The following NRXN3 variants were observed in gnomAD, a reference collection of about 807,000 sequenced individuals.
NRXN3 encodes the protein neurexin 3, also known as neurexin III.
NRXN3 carries 32 observed loss-of-function variants against 137.6 expected under a neutral mutation model. That is an observed-to-expected ratio of 0.23 (90% CI 0.18 to 0.31). The LOEUF (loss-of-function observed/expected upper bound fraction) is 0.31, where lower values mean the gene tolerates loss of function less well. NRXN3 is among the 10% of genes least tolerant of loss of function. NRXN3 has a pLI of 1.00. For missense variants in NRXN3, 1,574 were observed against 2,062.5 expected (o/e 0.76, Z 4.59); for synonymous variants, 798 against 784.5 (o/e 1.02, Z -0.29).
At chr14:79,089,199 T>C (rs552889929) in intron 15 of NRXN3, among the ~76,000 whole-genome samples, 2 of 152,332 alleles carry the variant, frequency 1.3e-5, no homozygotes. Flanking sequence ...TACCCCTTGC[T>C]TCAAAGTCTT....
At chr14:79,040,984 T>G (rs1182223210) in intron 15 of NRXN3, among the ~76,000 whole-genome samples, 1 of 152,136 alleles carries the variant, frequency 6.6e-6, no homozygotes, top group African/African-American at 2.4e-5. Flanking sequence ...TATCTGTGCC[T>G]GCAGGCTGTT....
At chr14:78,863,445 C>A (rs1401861384) in intron 10 of NRXN3, among the ~76,000 whole-genome samples, 1 of 152,008 alleles carries the variant, frequency 6.6e-6, no homozygotes, top group Non-Finnish European at 1.5e-5. Flanking sequence ...TATTCCCTAC[C>A]CATACTGCCT....
chr14:78,337,883 T>G (rs2153578220), intron 4 of NRXN3, among the ~76,000 whole-genome samples: 1 of 152,156 alleles, frequency 6.6e-6, no homozygotes, highest in South Asian at 2.1e-4. Context: ...TATAGTTGGG[T>G]GGACTCACAG....
chr14:79,170,881 G>T (rs2061710672), intron 15 of NRXN3, among the ~76,000 whole-genome samples: 1 of 152,094 alleles, frequency 6.6e-6, no homozygotes, highest in Non-Finnish European at 1.5e-5. Flanking sequence ...ATACTAATCA[G>T]TGGTTCCCTG....
intron 4 of NRXN3, among the ~76,000 whole-genome samples, chr14:78,578,116 A>G (rs958600316): frequency 1.3e-5 from 2 of 152,184 alleles, no homozygotes; most frequent in Admixed American, 6.5e-5. Context: ...AAATTTGACA[A>G]ATGGTTCAGG....
chr14:79,470,959 TG>T (rs1600774249), intron 16 of NRXN3, among the ~76,000 whole-genome samples: 2 of 69,482 alleles, frequency 2.9e-5, no homozygotes, highest in East Asian at 7.5e-4. Context: ...AGAGTGTGTG[TG>T]TGTGTGTGTG....
At chr14:79,353,382 C>G (rs2093302365) in intron 15 of NRXN3, among the ~76,000 whole-genome samples, 2 of 152,086 alleles carry the variant, frequency 1.3e-5, no homozygotes, top group Admixed American at 1.3e-4. Context: ...AAGATATATG[C>G]TGAGCTTCCT....
chr14:78,711,432 CTCTTTTTTT>C (rs1260091939), intron 7 of NRXN3, among the ~76,000 whole-genome samples: 6 of 103,192 alleles, frequency 5.8e-5, no homozygotes, highest in African/African-American at 1.5e-4. Context: ...TAATTCTTTT[CTCTTTTTTT>C]TTTTTTTTTT....
chr14:78,812,571 C>G (rs971836420), intron 10 of NRXN3, among the ~76,000 whole-genome samples: 1 of 152,136 alleles, frequency 6.6e-6, no homozygotes, highest in African/African-American at 2.4e-5. Flanking sequence ...TGATCAGCCA[C>G]GGAAAGTCAT....
At chr14:78,484,502 G>A (rs1386321824) in intron 4 of NRXN3, among the ~76,000 whole-genome samples, 1 of 152,168 alleles carries the variant, frequency 6.6e-6, no homozygotes, top group Non-Finnish European at 1.5e-5. Context: ...TCCATGTCAT[G>A]ACTGGATAGT....
chr14:78,297,724 T>C, intron 3 of NRXN3, 107 bp from the exon 4 acceptor site: 1 of 868,126 alleles, frequency 1.2e-6, no homozygotes, highest in East Asian at 2.7e-5. Flanking sequence ...CTTTTTCCAC[T>C]CAAGGATTAA....
chr14:78,545,295 A>T (rs1290817055), intron 4 of NRXN3, among the ~76,000 whole-genome samples: 1 of 152,130 alleles, frequency 6.6e-6, no homozygotes, highest in Non-Finnish European at 1.5e-5. Context: ...TTTGATTTCA[A>T]ATTTTGTTTC....
At chr14:78,298,712 C>T (rs1033245797) in intron 4 of NRXN3, among the ~76,000 whole-genome samples, 1 of 152,210 alleles carries the variant, frequency 6.6e-6, no homozygotes, top group African/African-American at 2.4e-5. Flanking sequence ...GGGATGATTG[C>T]AAGATTGGTC....
intron 19 of NRXN3, among the ~76,000 whole-genome samples, chr14:79,801,403 G>A (rs2140498277): frequency 1.3e-5 from 2 of 152,324 alleles, no homozygotes; most frequent in South Asian, 4.1e-4. Context: ...GTAACAAATA[G>A]AGCACATAGG....
intron 15 of NRXN3, among the ~76,000 whole-genome samples, chr14:78,992,388 A>G (rs1021716571): frequency 6.6e-6 from 1 of 152,200 alleles, no homozygotes; most frequent in Non-Finnish European, 1.5e-5. Flanking sequence ...GTCTTGGGCT[A>G]CATTTTAAGA....
At chr14:79,630,738 A>G (rs1301284239) in intron 16 of NRXN3, among the ~76,000 whole-genome samples, 1 of 152,166 alleles carries the variant, frequency 6.6e-6, no homozygotes, top group Non-Finnish European at 1.5e-5. Flanking sequence ...TTGCGTGAAA[A>G]TAGTCCTTCT....
chr14:78,653,126 C>A (rs907353255), intron 6 of NRXN3, among the ~76,000 whole-genome samples: 1 of 152,160 alleles, frequency 6.6e-6, no homozygotes, highest in African/African-American at 2.4e-5. Flanking sequence ...GCCTGTAGGA[C>A]AAAATAAGAG....
At chr14:79,182,585 C>T (rs138213070) in intron 15 of NRXN3, among the ~76,000 whole-genome samples, 53 of 152,216 alleles carry the variant, frequency 3.5e-4, no homozygotes, top group African/African-American at 1.2e-3. Context: ...GAGTGGGGAG[C>T]GGCTGTAAAT....
intron 15 of NRXN3, among the ~76,000 whole-genome samples, chr14:79,115,141 C>T (rs1318302101): frequency 6.6e-6 from 1 of 151,966 alleles, no homozygotes; most frequent in Non-Finnish European, 1.5e-5. Context: ...GCCTGACCAA[C>T]ATGGAGAAAC....
Sources: allele counts gnomAD v4.1 joint callset (sites outside exome capture counted in the v4.1 genomes callset), GRCh38; gene constraint gnomAD v4.1.1; transcripts MANE v1.5; gene names NCBI Gene and HGNC (gene_info 2026-07-23, HGNC 2026-07-21).